XKR7: variants seen among roughly 807,000 people sequenced by gnomAD.
XKR7 encodes the protein XK related 7, also known as XK-related protein 7.
Under a neutral mutation model 42.2 loss-of-function variants are expected in XKR7, and 11 were observed. That is an observed-to-expected ratio of 0.26 (90% confidence interval 0.16 to 0.43). XKR7 has a LOEUF of 0.43. XKR7 is among the 20% of genes least tolerant of loss of function. The pLI, the probability that XKR7 is intolerant of heterozygous loss-of-function variation, is 1.00. For synonymous variants in XKR7, 346 were observed against 366.4 expected, an observed-to-expected ratio of 0.94 and a Z score of 0.64; for missense variants, 710 against 802.2, an observed-to-expected ratio of 0.89 and a Z score of 1.39.
At chr20:31,989,374 C>G (rs1280137493) in intron 1 of XKR7, among the ~76,000 whole-genome samples, 1 of 151,928 alleles carries the variant, frequency 6.6e-6, no homozygotes, top group African/African-American at 2.4e-5. Context: ...AGGGCCTGCA[C>G]GCCGAGGGGA....
intron 1 of XKR7, among the ~76,000 whole-genome samples, chr20:31,982,126 C>T (rs2122261809): frequency 1.3e-5 from 2 of 152,320 alleles, no homozygotes; most frequent in South Asian, 4.1e-4. Context: ...ATCTTCAGGT[C>T]CCCATTAAAC....
At chr20:31,988,810 G>T (rs1473444591) in intron 1 of XKR7, among the ~76,000 whole-genome samples, 1 of 152,188 alleles carries the variant, frequency 6.6e-6, no homozygotes, top group Non-Finnish European at 1.5e-5. Flanking sequence ...GAATGAGTCA[G>T]CGAGGGCAGG....
intron 1 of XKR7, chr20:31,970,463 A>C (rs958090566): frequency 6.6e-6 from 1 of 152,246 alleles, no homozygotes; most frequent in Non-Finnish European, 1.5e-5. Flanking sequence ...GGATCCCCTC[A>C]GCTCTATGGT....
rs1373254253 is a variant in XKR7 at position 31,998,582 on chromosome 20, T to A, written c.*1125T>A. On this transcript the variant is annotated 3_prime_UTR_variant, in exon 3 of 3. Coordinates refer to ENST00000562532, the MANE Select transcript of XKR7 (RefSeq NM_001011718.2). ...GTTCTAGAGCCCAGCGTGAATGGAATTTTCTAGGAATGGGTGCTCTCATTC... is the reference window on the plus strand; with the variant it reads ...GTTCTAGAGCCCAGCGTGAATGGAAATTTCTAGGAATGGGTGCTCTCATTC... 6.6e-6 allele frequency: 1 copy of A among 152,124 alleles called. No individual in the cohort carries two copies. The highest frequency in any genetic ancestry group is 2.4e-5 in the African/African-American group (1 of 41,406). The allele number at this position is 152,124 out of a possible 1,614,324, so 9.4% of individuals were successfully genotyped here.
intron 1 of XKR7, among the ~76,000 whole-genome samples, chr20:31,993,138 C>T (rs1330540989): frequency 6.7e-6 from 1 of 149,142 alleles, no homozygotes; most frequent in Non-Finnish European, 1.5e-5. Flanking sequence ...ACACACACCA[C>T]CCCCAGTTTC....
chr20:31,996,469 A>AAC, intron 2 of XKR7, 36 bp from the exon 3 acceptor site: 1 of 247,330 alleles, frequency 4.0e-6, no homozygotes, highest in Admixed American at 1.1e-4. Flanking sequence ...GCCCGCCCCT[A>AAC]ACCCAGCCCA....
At chr20:31,988,285 C>G (rs1333104061) in intron 1 of XKR7, among the ~76,000 whole-genome samples, 1 of 152,142 alleles carries the variant, frequency 6.6e-6, no homozygotes, top group African/African-American at 2.4e-5. Flanking sequence ...TAGAGAGCAG[C>G]CCCCAAACTC....
At chr20:31,981,158 A>G (rs1465932137) in intron 1 of XKR7, among the ~76,000 whole-genome samples, 1 of 150,068 alleles carries the variant, frequency 6.7e-6, no homozygotes, top group Non-Finnish European at 1.5e-5. Context: ...TGAGGTCAGG[A>G]GTTTGAGAAT....
At chr20:31,994,096 C>T (rs2064580960) in intron 1 of XKR7, among the ~76,000 whole-genome samples, 1 of 152,170 alleles carries the variant, frequency 6.6e-6, no homozygotes, top group South Asian at 2.1e-4. Flanking sequence ...TGTCTGTGAG[C>T]ACCTTCCTTG....
rs2064610750 is a variant in XKR7, at chr20:31,999,025, A to ACCCACCC, written c.*1579_*1585dup. On this transcript the variant is annotated 3_prime_UTR_variant, in exon 3 of 3. Transcript: ENST00000562532. Reference sequence around the variant, plus strand: ...AGCCTCTAGCAGAGCTGGGAACCCAACCCACCCCCCACCCCCCCACACACA... The same window carrying ACCCACCC: ...AGCCTCTAGCAGAGCTGGGAACCCAACCCACCCCCCACCCCCCACCCCCCCACACACA... 1 of 111,044 alleles carries ACCCACCC rather than the reference A, an allele frequency of 9.0e-6. No homozygotes were observed. Among genetic ancestry groups the ACCCACCC allele is most frequent in the Non-Finnish European group, 1.8e-5 (1 of 55,980 alleles). The allele number at this position is 111,044 out of a possible 1,614,324, so 6.9% of individuals were successfully genotyped here.
rs371260952 is a variant in XKR7 at position 31,997,408 on chromosome 20, G to C, written c.1691G>C (p.Arg564Pro). The C allele has an allele frequency of 1.8e-4, 280 of 1,599,198 alleles. No individual in the cohort carries two copies. The highest frequency in any genetic ancestry group is 2.3e-4 in the Non-Finnish European group (273 of 1,179,814). Residue 564 changes from arginine (R) to proline (P), a missense_variant, in exon 3 of 3, where the codon CGG (arginine) becomes CCG (proline). By Grantham distance (103) the Arg-to-Pro change is moderately radical. Coordinates refer to ENST00000562532, the MANE Select transcript of XKR7 (RefSeq NM_001011718.2). ...SSPATPRLQY[R>P]SVGTSQELLE... ...CCTGCCACGCCCCGGTTGCAGTACCGGAGTGTGGGGACTTCCCAGGAGCTG... is the reference window on the plus strand; with the variant it reads ...CCTGCCACGCCCCGGTTGCAGTACCCGAGTGTGGGGACTTCCCAGGAGCTG...
At chr20:31,978,452 A>C (rs1211166813) in intron 1 of XKR7, among the ~76,000 whole-genome samples, 1 of 152,214 alleles carries the variant, frequency 6.6e-6, no homozygotes, top group African/African-American at 2.4e-5. Flanking sequence ...AGAAAAATTT[A>C]AACACTTGAA....
intron 1 of XKR7, among the ~76,000 whole-genome samples, chr20:31,982,519 CAAAAA>C (rs558720693): frequency 2.4e-4 from 15 of 63,104 alleles, no homozygotes; most frequent in Non-Finnish European, 4.0e-4. Flanking sequence ...GACTCTGTCT[CAAAAA>C]AAAAAAAAAA....
rs2064633876 is a variant in XKR7, at chr20:32,003,265, G to C, written c.*5808G>C. The C allele has an allele frequency of 6.6e-6, 1 of 152,250 alleles. No homozygotes were observed. The highest frequency in any genetic ancestry group is 1.5e-5 in the Non-Finnish European group (1 of 68,054). 9.4% of individuals were successfully genotyped at this position (152,250 alleles called of 1,614,324 possible). ...TCACCCTCCGAGCTTCCCCCAGGAG[G>C]GGGAGGGGGAGGGGGCCCCGAGCTG... is the stretch of plus-strand genomic sequence containing the variant. On this transcript the variant is annotated 3_prime_UTR_variant, in exon 3 of 3. Transcript: ENST00000562532.
At chr20:31,975,441 A>G (rs1295816022) in intron 1 of XKR7, among the ~76,000 whole-genome samples, 1 of 151,900 alleles carries the variant, frequency 6.6e-6, no homozygotes, top group African/African-American at 2.4e-5. Context: ...ACCAGTTTCC[A>G]GTCTCCTCCC....
At chr20:31,993,247 G>A (rs560111884) in intron 1 of XKR7, among the ~76,000 whole-genome samples, 2 of 152,264 alleles carry the variant, frequency 1.3e-5, no homozygotes, top group African/African-American at 4.8e-5. Flanking sequence ...AGTAGGGGGC[G>A]CTGGGAAGGT....
At position 31,996,869 on chromosome 20, in the gene XKR7, G is replaced by A. The variant is rs769676454; in HGVS notation, c.1152G>A (p.Met384Ile). The A allele has an allele frequency of 1.2e-6, 2 of 1,613,866 alleles. No homozygotes were observed. The highest frequency in any genetic ancestry group is 3.3e-5 in the Admixed American group (2 of 60,026). ...AGGAGGGCCGCAGCCGCCGCCGCATGACCCTCTACCACTGCATCGTCCTGC... is the reference window on the plus strand; with the variant it reads ...AGGAGGGCCGCAGCCGCCGCCGCATAACCCTCTACCACTGCATCGTCCTGC... ...NVKEGRSRRRMTLYHCIVLLE... is the reference protein window; with the variant it reads ...NVKEGRSRRRITLYHCIVLLE... Residue 384 changes from methionine (M) to isoleucine (I), a missense_variant, in exon 3 of 3, where the codon ATG becomes ATA. Met to Ile is a conservative substitution (Grantham distance 10). Transcript: ENST00000562532.
intron 1 of XKR7, among the ~76,000 whole-genome samples, chr20:31,989,142 G>A (rs1303403508): frequency 6.6e-6 from 1 of 152,174 alleles, no homozygotes; most frequent in African/African-American, 2.4e-5. Flanking sequence ...TGGCAAGGGT[G>A]GCCTGGGAGG....
At position 31,995,386 on chromosome 20, in the gene XKR7, A is replaced by C; in HGVS notation, c.787+116A>C. ...CCCCACCCCAGCTCAGGGCTCACTC[A>C]GTCAGGGTTTAGGGAGGCCTGCCCC... is the stretch of plus-strand genomic sequence containing the variant. On this transcript the variant is annotated intron_variant, in intron 2 of 2. Coordinates refer to ENST00000562532, the MANE Select transcript of XKR7 (RefSeq NM_001011718.2). This position sits in a 1 kb window ranked among gnomAD's most constrained non-coding sequence, Gnocchi z 4.1. 1.3e-6 allele frequency: 2 copies of C among 1,492,266 alleles called. No homozygotes were observed. Among genetic ancestry groups the C allele is most frequent in the Non-Finnish European group, 1.8e-6 (2 of 1,127,052 alleles). The allele number at this position is 1,492,266 out of a possible 1,614,324, so 92.4% of individuals were successfully genotyped here.
Sources: allele counts gnomAD v4.1 joint callset (sites outside exome capture counted in the v4.1 genomes callset), GRCh38; gene constraint gnomAD v4.1.1; non-coding constraint Gnocchi (gnomAD v3.1); transcripts MANE v1.5; gene names NCBI Gene and HGNC (gene_info 2026-07-23, HGNC 2026-07-21).